The following MAGI2 variants were observed in gnomAD, a reference collection of about 807,000 sequenced individuals.
MAGI2 encodes the protein membrane associated guanylate kinase, WW and PDZ domain containing 2, also known as membrane-associated guanylate kinase, WW and PDZ domain-containing protein 2.
MAGI2 carries 35 observed loss-of-function variants against 133.3 expected under a neutral mutation model. The observed-to-expected ratio is 0.26, with a 90% CI of 0.20 to 0.35. The LOEUF (loss-of-function observed/expected upper bound fraction) is 0.35, where lower values mean the gene tolerates loss of function less well. MAGI2 is among the 10% of genes least tolerant of loss of function. The pLI is 1.00. For missense variants in MAGI2, 1,636 were observed against 1,863.4 expected, an observed-to-expected ratio of 0.88 and a Z score of 2.25; for synonymous variants, 729 against 710.6, an observed-to-expected ratio of 1.03 and a Z score of -0.41.
At chr7:78,861,815 T>C (rs1207784570) in intron 2 of MAGI2, among the ~76,000 whole-genome samples, 1 of 152,234 alleles carries the variant, frequency 6.6e-6, no homozygotes, top group Non-Finnish European at 1.5e-5. Flanking sequence ...AATGATTAAA[T>C]AGCATTGCTT....
At chr7:78,728,900 G>T (rs1403379267) in intron 2 of MAGI2, among the ~76,000 whole-genome samples, 1 of 152,078 alleles carries the variant, frequency 6.6e-6, no homozygotes. Context: ...CTGAAAAAAT[G>T]ATTCATCTTA....
intron 1 of MAGI2, among the ~76,000 whole-genome samples, chr7:79,063,122 G>A (rs1813933473): frequency 1.3e-5 from 2 of 151,988 alleles, no homozygotes; most frequent in Non-Finnish European, 2.9e-5. Flanking sequence ...ATTTTGTCCT[G>A]GCTTCATTTT....
At chr7:78,725,868 C>G (rs1280306467) in intron 2 of MAGI2, among the ~76,000 whole-genome samples, 1 of 152,126 alleles carries the variant, frequency 6.6e-6, no homozygotes, top group Non-Finnish European at 1.5e-5. Context: ...GTCTTGGAAG[C>G]TCATGACCCA....
chr7:78,842,669 T>C (rs1407601167), intron 2 of MAGI2, among the ~76,000 whole-genome samples: 2 of 151,838 alleles, frequency 1.3e-5, no homozygotes, highest in Non-Finnish European at 2.9e-5. Flanking sequence ...ATTAGATTTA[T>C]GTGATCACTT....
intron 10 of MAGI2, among the ~76,000 whole-genome samples, chr7:78,232,714 G>A (rs190398892): frequency 1.8e-3 from 276 of 152,240 alleles, no homozygotes; most frequent in Non-Finnish European, 3.2e-3. Flanking sequence ...ATTCTTATAG[G>A]GCTGGTGGGA....
At chr7:79,288,757 G>A (rs1015858130) in intron 1 of MAGI2, among the ~76,000 whole-genome samples, 1 of 152,080 alleles carries the variant, frequency 6.6e-6, no homozygotes, top group Non-Finnish European at 1.5e-5. Flanking sequence ...CAAGAGAGAC[G>A]GGAAGGCAAC....
At chr7:78,324,727 G>A (rs1018589777) in intron 9 of MAGI2, among the ~76,000 whole-genome samples, 17 of 152,082 alleles carry the variant, frequency 1.1e-4, no homozygotes, top group Non-Finnish European at 1.8e-4. Context: ...TTGGGAGGCC[G>A]AGGCTGGTGG....
chr7:78,079,665 C>T (rs916460591), intron 20 of MAGI2, among the ~76,000 whole-genome samples: 2 of 152,014 alleles, frequency 1.3e-5, no homozygotes, highest in Non-Finnish European at 2.9e-5. Flanking sequence ...CTATCACAGC[C>T]CCTTGAATTA....
At chr7:78,573,528 C>T (rs1439206661) in intron 3 of MAGI2, among the ~76,000 whole-genome samples, 2 of 144,726 alleles carry the variant, frequency 1.4e-5, no homozygotes, top group Non-Finnish European at 3.0e-5. Flanking sequence ...AAATAGCAGC[C>T]TTTCGGGTCG....
intron 2 of MAGI2, among the ~76,000 whole-genome samples, chr7:78,891,426 AAAAG>A (rs1042807399): frequency 6.6e-5 from 10 of 152,218 alleles, no homozygotes; most frequent in African/African-American, 2.4e-4. Context: ...ACACAACAGA[AAAAG>A]AGAATTTTAG....
At chr7:78,221,750 T>C (rs868316824) in intron 10 of MAGI2, among the ~76,000 whole-genome samples, 10 of 151,806 alleles carry the variant, frequency 6.6e-5, no homozygotes, top group Non-Finnish European at 2.9e-5. Context: ...CCCAGCATTT[T>C]GAGAGGCTGA....
At chr7:78,224,522 C>T (rs564610456) in intron 10 of MAGI2, among the ~76,000 whole-genome samples, 78 of 152,054 alleles carry the variant, frequency 5.1e-4, no homozygotes, top group Non-Finnish European at 8.7e-4. Context: ...AAAGATTAGC[C>T]GGGCATGGTG....
At chr7:79,039,029 A>C (rs1811371059) in intron 1 of MAGI2, among the ~76,000 whole-genome samples, 1 of 152,162 alleles carries the variant, frequency 6.6e-6, no homozygotes, top group Non-Finnish European at 1.5e-5. Flanking sequence ...CTGTGCCCCC[A>C]CCCACTCATC....
intron 2 of MAGI2, among the ~76,000 whole-genome samples, chr7:78,807,820 C>A (rs535471580): frequency 6.6e-6 from 1 of 151,802 alleles, no homozygotes; most frequent in Non-Finnish European, 1.5e-5. Context: ...TATTGGATAC[C>A]GTGCTTCAGG....
chr7:78,411,444 G>C (rs182926039), intron 6 of MAGI2, among the ~76,000 whole-genome samples: 1 of 151,926 alleles, frequency 6.6e-6, no homozygotes, highest in Non-Finnish European at 1.5e-5. Context: ...AATGGTTGTC[G>C]TATACCAACA....
At chr7:78,382,978 A>G (rs1795062536) in intron 6 of MAGI2, among the ~76,000 whole-genome samples, 1 of 152,230 alleles carries the variant, frequency 6.6e-6, no homozygotes, top group East Asian at 1.9e-4. Context: ...TCTACTGTGT[A>G]TATATACCAC....
At chr7:78,307,268 G>A (rs563862879) in intron 9 of MAGI2, among the ~76,000 whole-genome samples, 2 of 152,118 alleles carry the variant, frequency 1.3e-5, no homozygotes, top group Non-Finnish European at 2.9e-5. Flanking sequence ...TATACAAGTT[G>A]TTAATTATGC....
At chr7:79,172,571 T>A (rs1825721425) in intron 1 of MAGI2, among the ~76,000 whole-genome samples, 1 of 152,074 alleles carries the variant, frequency 6.6e-6, no homozygotes, top group Non-Finnish European at 1.5e-5. Context: ...CATATGAGTA[T>A]CAGAATAGTT....
At chr7:78,206,559 G>A (rs1584390473) in intron 10 of MAGI2, among the ~76,000 whole-genome samples, 1 of 152,144 alleles carries the variant, frequency 6.6e-6, no homozygotes, top group Middle Eastern at 3.4e-3. Flanking sequence ...CCAAAGTGGT[G>A]GAATTACAGG....
Sources: gnomAD v4.1 joint callset for allele counts (sites outside exome capture counted in the v4.1 genomes callset) on GRCh38, gnomAD v4.1.1 for gene constraint, MANE v1.5 for transcripts, NCBI Gene and HGNC (gene_info 2026-07-23, HGNC 2026-07-21) for gene names.